The following DST variants were observed in gnomAD, a reference collection of about 807,000 sequenced individuals.
DST encodes dystonin.
DST carries 253 observed loss-of-function variants against 875.2 expected under a neutral mutation model. The observed-to-expected ratio is 0.29, with a 90% CI of 0.26 to 0.32. The LOEUF is 0.32. Among genes scored for constraint, DST ranks in the 10% least tolerant of loss-of-function variants. The pLI, the probability that DST is intolerant of heterozygous loss-of-function variation, is 1.00. For missense variants in DST, 8,287 were observed against 9,111.6 expected (o/e 0.91, Z 3.68); for synonymous variants, 3,124 against 3,197.1 (o/e 0.98, Z 0.77).
At chr6:56,894,913 T>C (rs1462503960) in intron 3 of DST, among the ~76,000 whole-genome samples, 1 of 53,314 alleles carries the variant, frequency 1.9e-5, no homozygotes, top group Non-Finnish European at 3.3e-5. Context: ...GGCTCCTCAC[T>C]TCCCAGTAGG....
intron 55 of DST, among the ~76,000 whole-genome samples, chr6:56,568,167 A>G (rs2097714482): frequency 1.3e-5 from 2 of 152,228 alleles, no homozygotes; most frequent in South Asian, 4.1e-4. Context: ...AATTAAGGTA[A>G]AAAGCAAACA....
In DST at chr6:56,471,216, C is replaced by T. The variant is rs774122790; in HGVS notation, c.22211G>A (p.Arg7404Gln). The T allele has an allele frequency of 1.9e-6, 3 of 1,601,492 alleles. No homozygotes were observed. The highest frequency in any genetic ancestry group is 1.1e-5 in the South Asian group (1 of 88,832). ...TCGAGATTTCTTGTGATTCATCCAT[C>T]GCATGTATTTTTTGCGCCAGATATC... ...DFDIWRKKYMRWMNHKKSRVM... is the reference protein window; with the variant it reads ...DFDIWRKKYMQWMNHKKSRVM... Residue 7404 changes from arginine (R) to glutamine (Q), a missense_variant, in exon 95 of 104, where the codon CGA becomes CAA. Arg to Gln is a conservative substitution (Grantham distance 43). Around this residue, in one of 10 missense-constraint regions of DST, gnomAD observed 87 missense variants for 209.7 expected, o/e 0.41. Transcript: ENST00000680361.
rs2098941692 is a variant in DST at position 56,646,201 on chromosome 6, G to T, written c.1555-19C>A. The T allele has an allele frequency of 3.7e-6, 5 of 1,336,558 alleles. No homozygotes were observed. Among genetic ancestry groups the T allele is most frequent in the South Asian group, 1.4e-5 (1 of 72,626 alleles). 82.8% of individuals were successfully genotyped at this position (1,336,558 alleles called of 1,614,324 possible). A position where few individuals can be genotyped will look rare whatever the true frequency, so the allele number is the denominator to read the frequency against. On this transcript the variant is annotated intron_variant, in intron 13 of 103. Coordinates refer to ENST00000680361, the MANE Select transcript of DST (RefSeq NM_001374736.1). ...AAAGTGCCTAAAATAAAAAGGACAAGAAATTAAGGACCAAACTTAAAAGAT... is the reference window on the plus strand; with the variant it reads ...AAAGTGCCTAAAATAAAAAGGACAATAAATTAAGGACCAAACTTAAAAGAT...
Position 56,477,460 on chromosome 6 carries a change from C to A in DST, c.21560G>T (p.Arg7187Ile). Reference protein sequence around the residue: ...KEFMKKLEEKRAELNKATTMG... With the variant: ...KEFMKKLEEKIAELNKATTMG... ...AGTGGTGGCTTTATTTAGTTCAGCT[C>A]TCTTTTCTTCCAGTTTCTTCATGAA... The change falls in exon 91 of 104, where the codon AGA becomes ATA. Residue 7187 changes from arginine (R) to isoleucine (I), a missense_variant. Transcript: ENST00000680361. The A allele has an allele frequency of 1.2e-6, 2 of 1,613,982 alleles. No homozygotes were observed. The highest frequency in any genetic ancestry group is 8.5e-7 in the Non-Finnish European group (1 of 1,179,864).
In DST at chr6:56,617,003, G is replaced by A. The variant is rs1586753002; in HGVS notation, c.4930-2519C>T. 1.2e-6 allele frequency: 2 copies of A among 1,610,182 alleles called. No individual in the cohort carries two copies. The highest frequency in any genetic ancestry group is 1.7e-5 in the Admixed American group (1 of 59,656). On this transcript the variant is annotated intron_variant, in intron 36 of 103. Transcript: ENST00000680361. ...GTCTATTATGATTCTCTCGGCCGCT[G>A]AGGCAAATGAAATCTTTTCTTTTGT... is the stretch of plus-strand genomic sequence containing the variant.
intron 83 of DST, 21 bp downstream of exon 83, chr6:56,493,989 T>A (rs755320829): frequency 6.6e-7 from 1 of 1,520,436 alleles, no homozygotes; most frequent in Non-Finnish European, 8.9e-7. Flanking sequence ...CTGATTCTAT[T>A]ATATTAATCA....
intron 10 of DST, among the ~76,000 whole-genome samples, chr6:56,670,131 T>TGC (rs1304724573): frequency 9.1e-6 from 1 of 109,458 alleles, no homozygotes; most frequent in Non-Finnish European, 1.9e-5. Context: ...CGAGCGCCCG[T>TGC]GCGTGTGTGT....
intron 4 of DST, among the ~76,000 whole-genome samples, chr6:56,735,976 A>G (rs1411971803): frequency 1.3e-5 from 2 of 152,132 alleles, no homozygotes; most frequent in African/African-American, 4.8e-5. Context: ...CTCCTGCGTC[A>G]GCCCCCAGAG....
intron 2 of DST, among the ~76,000 whole-genome samples, chr6:56,944,679 G>A (rs1295542750): frequency 1.3e-5 from 2 of 152,160 alleles, no homozygotes; most frequent in Non-Finnish European, 2.9e-5. Flanking sequence ...TACTAAGAAT[G>A]AACTTTATGA....
chr6:56,785,150 C>A (rs546992339), intron 4 of DST, among the ~76,000 whole-genome samples: 7 of 152,342 alleles, frequency 4.6e-5, no homozygotes, highest in African/African-American at 1.7e-4. Flanking sequence ...GGGGGTGCCT[C>A]CCAGTTAGGC....
chr6:56,543,753 AACAACTTTAT>A (rs1396805851), intron 61 of DST, among the ~76,000 whole-genome samples: 1 of 152,220 alleles, frequency 6.6e-6, no homozygotes, highest in Non-Finnish European at 1.5e-5. Context: ...TTCTAGTAAA[AACAACTTTAT>A]ACTTTCTTTG....
At chr6:56,892,861 T>A (rs1788247498) in intron 3 of DST, among the ~76,000 whole-genome samples, 1 of 152,180 alleles carries the variant, frequency 6.6e-6, no homozygotes, top group Non-Finnish European at 1.5e-5. Flanking sequence ...ACCCTTGATA[T>A]GGGCCTCAAA....
At chr6:56,791,560 G>T (rs1170506609) in intron 4 of DST, among the ~76,000 whole-genome samples, 1 of 152,146 alleles carries the variant, frequency 6.6e-6, no homozygotes, top group East Asian at 1.9e-4. Context: ...GCCGAGGTGG[G>T]AGGATCACTG....
intron 4 of DST, chr6:56,742,397 G>T: frequency 8.0e-7 from 1 of 1,244,500 alleles, no homozygotes; most frequent in South Asian, 1.2e-5. Context: ...ACTCTGATGT[G>T]TCAGAGTCCT....
At chr6:56,526,274 GTAT>G (rs2096795603) in intron 69 of DST, 84 bp downstream of exon 69, 1 of 1,332,942 alleles carries the variant, frequency 7.5e-7, no homozygotes, top group Non-Finnish European at 1.0e-6. Context: ...AATGGAAACA[GTAT>G]TAACAGTCAT....
intron 5 of DST, among the ~76,000 whole-genome samples, chr6:56,712,192 A>C (rs2099369842): frequency 6.6e-6 from 1 of 152,048 alleles, no homozygotes; most frequent in Admixed American, 6.6e-5. Flanking sequence ...ATTACCTTTT[A>C]CAGGTTTTTC....
At position 56,625,250 on chromosome 6, in the gene DST, T is replaced by C. The variant is rs2098723033; in HGVS notation, c.4737A>G (p.Gln1579=). ...CTACCATGGCCCGGTAGGTCATTGTTTGTAATTCATAGTCCTGTATAAAGG... is the reference window on the plus strand; with the variant it reads ...CTACCATGGCCCGGTAGGTCATTGTCTGTAATTCATAGTCCTGTATAAAGG... ...YSATVKDYEL[Q]TMTYRAMVDS... The change falls in exon 35 of 104, where the codon CAA becomes CAG. Residue 1579 remains glutamine (Q), a synonymous_variant. Transcript: ENST00000680361. The C allele has an allele frequency of 6.2e-7, 1 of 1,611,616 alleles. No individual in the cohort carries two copies. The highest frequency in any genetic ancestry group is 8.5e-7 in the Non-Finnish European group (1 of 1,177,880).
Position 56,499,389 on chromosome 6 carries a change from C to T in DST, c.19897-1336G>A, listed in dbSNP as rs115258613. Reference sequence around the variant, plus strand: ...AGTAAGAAGTTATCTTTATAGAAAGCACTCACTTTGGTATGTTAAGAGTAG... The same window carrying T: ...AGTAAGAAGTTATCTTTATAGAAAGTACTCACTTTGGTATGTTAAGAGTAG... On this transcript the variant is annotated intron_variant, in intron 80 of 103. Coordinates refer to ENST00000680361, the MANE Select transcript of DST (RefSeq NM_001374736.1). Among the ~76,000 whole-genome samples, 799 of 152,194 alleles carry T rather than the reference C, an allele frequency of 5.2e-3. 5 individuals are homozygous for T. The highest frequency in any genetic ancestry group is 0.018 in the African/African-American group (751 of 41,542).
intron 10 of DST, among the ~76,000 whole-genome samples, chr6:56,659,798 C>A (rs1375992431): frequency 6.6e-6 from 1 of 152,000 alleles, no homozygotes; most frequent in Non-Finnish European, 1.5e-5. Context: ...TGCTTAAAAT[C>A]CAATAAGAAA....
Sources: allele counts gnomAD v4.1 joint callset (sites outside exome capture counted in the v4.1 genomes callset), GRCh38; gene constraint gnomAD v4.1.1; regional missense constraint gnomAD v4.1.1; transcripts MANE v1.5; gene names NCBI Gene and HGNC (gene_info 2026-07-23, HGNC 2026-07-21).